Variants in FRMPD2 observed in about 807,000 individuals in gnomAD.
FRMPD2 encodes the protein FERM and PDZ domain containing 2, also known as FERM and PDZ domain-containing protein 2.
A neutral mutation model predicts 140.1 loss-of-function variants in FRMPD2; 96 were observed. That is an observed-to-expected ratio of 0.69 (90% confidence interval 0.58 to 0.81). The LOEUF is 0.81. Ranked by LOEUF, FRMPD2 falls within the 40% of genes least tolerant of loss-of-function variation. The pLI is 0.00. For missense variants in FRMPD2, 1,240 were observed against 1,447.4 expected, an observed-to-expected ratio of 0.86 and a Z score of 2.32; for synonymous variants, 449 against 547.6, an observed-to-expected ratio of 0.82 and a Z score of 2.52.
At chr10:48,190,197 G>A (rs1184850026) in intron 16 of FRMPD2, among the ~76,000 whole-genome samples, 1 of 152,180 alleles carries the variant, frequency 6.6e-6, no homozygotes, top group Non-Finnish European at 1.5e-5. Flanking sequence ...GTGGTGGGGG[G>A]CAGTTCCATG....
At chr10:48,253,462 C>T (rs570053730) in intron 1 of FRMPD2, among the ~76,000 whole-genome samples, 118 of 152,238 alleles carry the variant, frequency 7.8e-4, no homozygotes, top group Middle Eastern at 3.4e-3. Flanking sequence ...AGTTGGATGA[C>T]GTATGGTCTT....
intron 22 of FRMPD2, chr10:48,177,216 T>TCCTG (rs1838433065): frequency 6.6e-6 from 1 of 151,634 alleles, no homozygotes; most frequent in African/African-American, 2.4e-5. Context: ...CACGCCATTC[T>TCCTG]CCTGCCTCAG....
chr10:48,177,704 C>G (rs1443132612), intron 22 of FRMPD2: 2 of 208,600 alleles, frequency 9.6e-6, no homozygotes, highest in African/African-American at 4.4e-5. Flanking sequence ...GTGGACTGCC[C>G]TTCTTACCTT....
intron 15 of FRMPD2, chr10:48,199,974 C>A (rs1011066596): frequency 2.0e-5 from 3 of 152,092 alleles, no homozygotes; most frequent in Admixed American, 6.6e-5. Flanking sequence ...GAGCTCTCCA[C>A]TGAAGCAGCC....
chr10:48,227,067 A>G (rs1564431841), intron 10 of FRMPD2, among the ~76,000 whole-genome samples: 1 of 152,196 alleles, frequency 6.6e-6, no homozygotes, highest in Non-Finnish European at 1.5e-5. Context: ...CAGCTTTCCC[A>G]AATATCTATG....
intron 16 of FRMPD2, among the ~76,000 whole-genome samples, chr10:48,189,268 G>A (rs1838771391): frequency 6.6e-6 from 1 of 152,190 alleles, no homozygotes; most frequent in South Asian, 2.1e-4. Flanking sequence ...GGGGACAGAG[G>A]GTACTGCCCT....
chr10:48,204,320 A>G (rs931931234), intron 14 of FRMPD2, among the ~76,000 whole-genome samples: 1 of 152,196 alleles, frequency 6.6e-6, no homozygotes, highest in Non-Finnish European at 1.5e-5. Flanking sequence ...GAATCCCATG[A>G]AATAGAATTT....
intron 1 of FRMPD2, among the ~76,000 whole-genome samples, chr10:48,265,594 C>T (rs1339227345): frequency 6.6e-6 from 1 of 152,068 alleles, no homozygotes; most frequent in Non-Finnish European, 1.5e-5. Context: ...GACATACATG[C>T]AACCAATAAG....
chr10:48,159,549 A>G (rs1337504885), intron 28 of FRMPD2, among the ~76,000 whole-genome samples: 1 of 151,800 alleles, frequency 6.6e-6, no homozygotes, highest in Non-Finnish European at 1.5e-5. Flanking sequence ...CTGACATCAC[A>G]CCTGGCCTGG....
At chr10:48,216,914 G>A (rs1257725076) in intron 12 of FRMPD2, among the ~76,000 whole-genome samples, 1 of 152,140 alleles carries the variant, frequency 6.6e-6, no homozygotes, top group Admixed American at 6.5e-5. Flanking sequence ...GGCATGAAAA[G>A]GGCCCCAGGC....
At position 48,184,883 on chromosome 10, in the gene FRMPD2, T is replaced by G; in HGVS notation, c.2360-2A>C. On this transcript the variant is annotated splice_acceptor_variant, in intron 18 of 28. Transcript: ENST00000374201. LOFTEE classifies it high-confidence loss of function. The stretch of plus-strand genomic sequence containing the variant: ...ACTCTCCCTCATTAATGACAAACCC[T>G]GTAATCCAAGATGATAGTCCATGAT... 6.2e-7 allele frequency: 1 copy of G among 1,601,732 alleles called. No homozygotes were observed. Among genetic ancestry groups the G allele is most frequent in the Non-Finnish European group, 8.5e-7 (1 of 1,170,302 alleles).
intron 14 of FRMPD2, among the ~76,000 whole-genome samples, chr10:48,204,815 A>G (rs1402599497): frequency 6.6e-6 from 1 of 152,190 alleles, no homozygotes; most frequent in Non-Finnish European, 1.5e-5. Flanking sequence ...AGATTTAACT[A>G]GTGCTGATAA....
intron 13 of FRMPD2, among the ~76,000 whole-genome samples, chr10:48,208,326 AT>A (rs1839246589): frequency 6.6e-6 from 1 of 152,190 alleles, no homozygotes. Context: ...ATTAGTTTAT[AT>A]TTTAATTTAT....
intron 28 of FRMPD2, among the ~76,000 whole-genome samples, chr10:48,162,124 T>C (rs1458315012): frequency 2.0e-5 from 3 of 149,894 alleles, no homozygotes; most frequent in African/African-American, 7.5e-5. Flanking sequence ...TCTTTATTAT[T>C]TTATCAAGTA....
chr10:48,185,465 G>C, intron 18 of FRMPD2, 88 bp downstream of exon 18: 1 of 870,266 alleles, frequency 1.1e-6, no homozygotes, highest in South Asian at 1.3e-5. Context: ...GGAAAGGGGA[G>C]TAGGCAAGTT....
chr10:48,193,751 A>ATG (rs145258594), intron 15 of FRMPD2, among the ~76,000 whole-genome samples: 65 of 151,216 alleles, frequency 4.3e-4, no homozygotes, highest in African/African-American at 9.0e-4. Context: ...CTGTGTGTGT[A>ATG]TGTGTGTGTG....
chr10:48,214,185 C>T (rs919484854), intron 12 of FRMPD2, among the ~76,000 whole-genome samples: 1 of 152,112 alleles, frequency 6.6e-6, no homozygotes, highest in African/African-American at 2.4e-5. Flanking sequence ...ATTTTTATTC[C>T]TAATAAAAAT....
intron 21 of FRMPD2, 79 bp downstream of exon 21, chr10:48,180,724 G>A: frequency 1.4e-6 from 1 of 694,502 alleles, no homozygotes; most frequent in South Asian, 1.6e-5. Context: ...GAACAGGAAG[G>A]GCCTAGGGGC....
At position 48,178,082 on chromosome 10, in the gene FRMPD2, C is replaced by T; in HGVS notation, c.2860G>A (p.Val954Ile). 3 of 1,603,946 alleles carry T rather than the reference C, an allele frequency of 1.9e-6. No individual in the cohort carries two copies. The highest frequency in any genetic ancestry group is 2.6e-6 in the Non-Finnish European group (3 of 1,172,718). The change falls in exon 22 of 29, where the codon GTT (valine) becomes ATT (isoleucine). Residue 954 changes from valine to isoleucine, a missense_variant. Val to Ile is a conservative substitution (Grantham distance 29). Coordinates refer to ENST00000374201, the MANE Select transcript of FRMPD2 (RefSeq NM_001018071.4). Reference protein sequence around the residue: ...SAGEIYFVELVKEDGTLGFSV... With the variant: ...SAGEIYFVELIKEDGTLGFSV... Reference sequence around the variant, plus strand: ...AATCCAAGTGTCCCATCTTCTTTAACCAGTTCCACAAAGTAGATTTCACCA... The same window carrying T: ...AATCCAAGTGTCCCATCTTCTTTAATCAGTTCCACAAAGTAGATTTCACCA...
Sources: gnomAD v4.1 joint callset for allele counts (sites outside exome capture counted in the v4.1 genomes callset) on GRCh38, gnomAD v4.1.1 for gene constraint, MANE v1.5 for transcripts, NCBI Gene and HGNC (gene_info 2026-07-23, HGNC 2026-07-21) for gene names.